The following DGKI variants were observed in gnomAD, a reference collection of about 807,000 sequenced individuals.
The protein encoded by DGKI is DAG kinase iota.
A neutral mutation model predicts 147.5 loss-of-function variants in DGKI; 55 were observed. That is an observed-to-expected ratio of 0.37 (90% CI 0.30 to 0.47). The LOEUF (loss-of-function observed/expected upper bound fraction) is 0.47, where lower values mean the gene tolerates loss of function less well. Among genes scored for constraint, DGKI ranks in the 20% least tolerant of loss-of-function variants. DGKI has a pLI of 1.00. For missense variants in DGKI, 1,007 were observed against 1,323.8 expected, an observed-to-expected ratio of 0.76 and a Z score of 3.71; for synonymous variants, 469 against 477.1, an observed-to-expected ratio of 0.98 and a Z score of 0.22.
chr7:137,821,155 A>G (rs951062582), intron 1 of DGKI, among the ~76,000 whole-genome samples: 1 of 152,196 alleles, frequency 6.6e-6, no homozygotes, highest in African/African-American at 2.4e-5. Context: ...CTTCCCAGAA[A>G]ACTGGGAGAA....
intron 30 of DGKI, among the ~76,000 whole-genome samples, chr7:137,401,801 C>T (rs1011037726): frequency 6.6e-6 from 1 of 152,188 alleles, no homozygotes; most frequent in Non-Finnish European, 1.5e-5. Context: ...ACTATAAAAT[C>T]CCTATTGAGG....
chr7:137,488,008 C>A (rs75803366), intron 21 of DGKI, among the ~76,000 whole-genome samples: 6,497 of 152,224 alleles, frequency 0.043, 145 homozygotes, highest in Middle Eastern at 0.095. Flanking sequence ...GGAGGCTGCT[C>A]ATGGACAGTT....
chr7:137,751,943 C>T (rs1272256005), intron 1 of DGKI, among the ~76,000 whole-genome samples: 2 of 152,102 alleles, frequency 1.3e-5, no homozygotes, highest in East Asian at 3.8e-4. Flanking sequence ...AAAGCAGCAT[C>T]ACTTTATTAA....
intron 27 of DGKI, among the ~76,000 whole-genome samples, chr7:137,458,364 C>T (rs1814286316): frequency 6.6e-6 from 1 of 152,184 alleles, no homozygotes; most frequent in African/African-American, 2.4e-5. Context: ...GTGTGGTTCA[C>T]TACACTGTTT....
intron 28 of DGKI, among the ~76,000 whole-genome samples, chr7:137,425,596 AC>A (rs1431886822): frequency 2.0e-5 from 3 of 152,062 alleles, no homozygotes; most frequent in Non-Finnish European, 4.4e-5. Flanking sequence ...CGATCAAATT[AC>A]TCTGAGCTAC....
intron 1 of DGKI, among the ~76,000 whole-genome samples, chr7:137,694,317 C>T: frequency 6.9e-6 from 1 of 145,166 alleles, no homozygotes; most frequent in South Asian, 2.2e-4. Context: ...GAGACTCCGT[C>T]TCAAAAAAAA....
chr7:137,410,274 A>G (rs191656206), intron 29 of DGKI, among the ~76,000 whole-genome samples: 3,008 of 152,196 alleles, frequency 0.02, 86 homozygotes, highest in African/African-American at 0.068. Context: ...GTGTGGTGGC[A>G]GGCACCTGTA....
chr7:137,391,593 C>T (rs1022305415), intron 32 of DGKI, among the ~76,000 whole-genome samples: 7 of 151,586 alleles, frequency 4.6e-5, no homozygotes, highest in Admixed American at 1.3e-4. Context: ...TCACTTTTGA[C>T]GGGTGGGGTT....
chr7:137,638,872 C>A (rs192877191), intron 6 of DGKI, among the ~76,000 whole-genome samples: 37 of 151,530 alleles, frequency 2.4e-4, no homozygotes, highest in Non-Finnish European at 4.7e-4. Context: ...TTTCTAATTT[C>A]TCTCTTAAAA....
At chr7:137,831,966 G>A (rs1283808791) in intron 1 of DGKI, among the ~76,000 whole-genome samples, 1 of 152,196 alleles carries the variant, frequency 6.6e-6, no homozygotes, top group African/African-American at 2.4e-5. Flanking sequence ...AATTCAACCG[G>A]GCAGTCAAAT....
intron 3 of DGKI, among the ~76,000 whole-genome samples, chr7:137,660,424 C>T (rs1362959129): frequency 6.6e-6 from 1 of 152,154 alleles, no homozygotes; most frequent in Non-Finnish European, 1.5e-5. Flanking sequence ...AAAACACATC[C>T]TACATATTTC....
chr7:137,407,896 C>G lies in DGKI; in HGVS notation c.2899G>C (p.Val967Leu), dbSNP rs1301429747. Residue 967 changes from valine (V) to leucine (L), a missense_variant, in exon 30 of 33, where the codon GTG becomes CTG. By Grantham distance (32) the Val-to-Leu change is conservative (BLOSUM62 1). Coordinates refer to ENST00000614521, the MANE Select transcript of DGKI (RefSeq NM_001321708.2). Reference protein sequence around the residue: ...YAAKTGNGEIVKYILDHGPSE... With the variant: ...YAAKTGNGEILKYILDHGPSE... ...TTACCGTGGTCAAGGATATATTTCA[C>G]AATCTCCCCGTTGCCGGTTTTAGCT... 6.2e-7 allele frequency: 1 copy of G among 1,614,016 alleles called. No individual in the cohort carries two copies. The highest frequency in any genetic ancestry group is 1.3e-5 in the African/African-American group (1 of 74,948).
chr7:137,745,572 T>C (rs1795300460), intron 1 of DGKI, among the ~76,000 whole-genome samples: 1 of 152,218 alleles, frequency 6.6e-6, no homozygotes, highest in Non-Finnish European at 1.5e-5. Flanking sequence ...CTGTCAGTGC[T>C]ACCTGTCCCT....
intron 12 of DGKI, among the ~76,000 whole-genome samples, chr7:137,590,957 G>A (rs2128985422): frequency 6.6e-6 from 1 of 152,340 alleles, no homozygotes; most frequent in East Asian, 1.9e-4. Flanking sequence ...CCAAAGTGCT[G>A]GGATTACAGG....
intron 28 of DGKI, among the ~76,000 whole-genome samples, chr7:137,436,790 C>CGATAAATATAAGAACCAA (rs1813300708): frequency 6.6e-6 from 1 of 152,100 alleles, no homozygotes; most frequent in African/African-American, 2.4e-5. Flanking sequence ...TGTATAAAGG[C>CGATAAATATAAGAACCAA]GGTAAATATA....
chr7:137,498,588 A>T (rs1018270350), intron 21 of DGKI, among the ~76,000 whole-genome samples: 1 of 152,112 alleles, frequency 6.6e-6, no homozygotes, highest in Admixed American at 6.6e-5. Flanking sequence ...AATGTTTTTG[A>T]ACTTCTCAAA....
chr7:137,812,554 C>T (rs1797622586), intron 1 of DGKI, among the ~76,000 whole-genome samples: 1 of 152,164 alleles, frequency 6.6e-6, no homozygotes, highest in African/African-American at 2.4e-5. Context: ...TATGCTGAGC[C>T]CCTAGCATCA....
At chr7:137,428,439 A>C (rs960215377) in intron 28 of DGKI, among the ~76,000 whole-genome samples, 5 of 152,192 alleles carry the variant, frequency 3.3e-5, no homozygotes, top group African/African-American at 9.7e-5. Context: ...ACCCACAGCC[A>C]ATATCATACT....
chr7:137,639,762 C>G (rs1821555426), intron 6 of DGKI, among the ~76,000 whole-genome samples: 1 of 152,272 alleles, frequency 6.6e-6, no homozygotes, highest in South Asian at 2.1e-4. Flanking sequence ...GGAGCAGTGA[C>G]AGCAGTAAAA....
Sources: allele counts gnomAD v4.1 joint callset (sites outside exome capture counted in the v4.1 genomes callset), GRCh38; gene constraint gnomAD v4.1.1; transcripts MANE v1.5; gene names NCBI Gene and HGNC (gene_info 2026-07-23, HGNC 2026-07-21).